Variants in MYO5A observed in about 807,000 individuals in gnomAD.
MYO5A encodes myosin VA.
Under a neutral mutation model 249.7 loss-of-function variants are expected in MYO5A, and 98 were observed. That is an observed-to-expected ratio of 0.39 (90% confidence interval 0.33 to 0.46). MYO5A has a LOEUF of 0.46. Ranked by LOEUF, MYO5A falls within the 20% of genes least tolerant of loss-of-function variation. MYO5A has a pLI of 0.98. For synonymous variants in MYO5A, 778 were observed against 810.6 expected, an observed-to-expected ratio of 0.96 and a Z score of 0.68; for missense variants, 1,696 against 2,308.8, an observed-to-expected ratio of 0.73 and a Z score of 5.44.
chr15:52,476,520 G>A (rs906268630), intron 1 of MYO5A, among the ~76,000 whole-genome samples: 71 of 152,298 alleles, frequency 4.7e-4, no homozygotes, highest in African/African-American at 1.7e-3. Context: ...TGTTTTTGCA[G>A]TGGCTGGTAC....
Position 52,391,996 on chromosome 15 carries a change from A to G in MYO5A, c.1476T>C (p.Asn492=), listed in dbSNP as rs765320441. The G allele has an allele frequency of 9.9e-6, 16 of 1,611,526 alleles. No individual in the cohort carries two copies. The African/African-American group carries it at 2.0e-4, about 20-fold the overall frequency. The change falls in exon 12 of 42, where the codon AAT becomes AAC. Residue 492 remains asparagine (N), a synonymous_variant. Coordinates refer to ENST00000399233, the MANE Select transcript of MYO5A (RefSeq NM_001382347.1). ...ATTCTATAAGATTAATACAAGGCTGATTATCATAAAAATCTATGAGTGTCC... is the reference window on the plus strand; with the variant it reads ...ATTCTATAAGATTAATACAAGGCTGGTTATCATAAAAATCTATGAGTGTCC... ...IPWTLIDFYD[N]QPCINLIESK...
chr15:52,374,553 A>G (rs1203417956), intron 20 of MYO5A, among the ~76,000 whole-genome samples: 1 of 152,244 alleles, frequency 6.6e-6, no homozygotes, highest in African/African-American at 2.4e-5. Flanking sequence ...GTGGAACCAA[A>G]TGCTATCATA....
At chr15:52,339,607 A>G (rs1298272472) in intron 32 of MYO5A, among the ~76,000 whole-genome samples, 1 of 152,184 alleles carries the variant, frequency 6.6e-6, no homozygotes, top group Non-Finnish European at 1.5e-5. Flanking sequence ...AAGGAAAAAG[A>G]CAATTTCCTC....
intron 1 of MYO5A, among the ~76,000 whole-genome samples, chr15:52,446,393 G>A (rs1456302440): frequency 7.9e-5 from 12 of 152,276 alleles, no homozygotes; most frequent in Non-Finnish European, 1.3e-4. Flanking sequence ...AATAAAAAGT[G>A]AAGAACGTTT....
intron 1 of MYO5A, among the ~76,000 whole-genome samples, chr15:52,483,744 C>T (rs1397505566): frequency 6.6e-6 from 1 of 152,202 alleles, no homozygotes; most frequent in African/African-American, 2.4e-5. Flanking sequence ...CATCCCCAGA[C>T]TAGATGAACT....
rs2043054736 is a variant in MYO5A at position 52,407,418 on chromosome 15, A to G, written c.839-19T>C. 2 of 1,590,958 alleles carry G rather than the reference A, an allele frequency of 1.3e-6. No homozygotes were observed. The highest frequency in any genetic ancestry group is 1.7e-6 in the Non-Finnish European group (2 of 1,159,212). On this transcript the variant is annotated intron_variant, in intron 7 of 41. Coordinates refer to ENST00000399233, the MANE Select transcript of MYO5A (RefSeq NM_001382347.1). ...GCATTTCCTGTAATGAAGAAAAATA[A>G]AAATTTTCTGGTTTATGAAAAAGCC...
In MYO5A at chr15:52,345,123, G is replaced by A. The variant is rs550976957; in HGVS notation, c.3959+1238C>T. Among the ~76,000 whole-genome samples, 10 of 152,222 alleles carry A rather than the reference G, an allele frequency of 6.6e-5. No homozygotes were observed. The South Asian group carries it at 1.7e-3, about 25-fold the overall frequency. ...TGGATAGCAAGATCCACAGACGTTC[G>A]AATCCCTTATATAAAATTTGCATAC... On this transcript the variant is annotated intron_variant, in intron 30 of 41. Coordinates refer to ENST00000399233, the MANE Select transcript of MYO5A (RefSeq NM_001382347.1).
At chr15:52,521,636 T>G (rs948155445) in intron 1 of MYO5A, among the ~76,000 whole-genome samples, 1 of 152,314 alleles carries the variant, frequency 6.6e-6, no homozygotes, top group Admixed American at 6.5e-5. Context: ...AACCATTATT[T>G]TGAAATCAAA....
intron 1 of MYO5A, among the ~76,000 whole-genome samples, chr15:52,521,054 C>G (rs1470228221): frequency 1.3e-5 from 2 of 152,004 alleles, no homozygotes; most frequent in Non-Finnish European, 2.9e-5. Flanking sequence ...ACTGTGAAAC[C>G]CCATCGCTAC....
rs969696190 is a variant in MYO5A, at chr15:52,408,132, C to T, written c.765G>A (p.Glu255=). The T allele has an allele frequency of 1.9e-6, 3 of 1,598,216 alleles. No individual in the cohort carries two copies. The East Asian group carries it at 6.7e-5, about 36-fold the overall frequency. ...GATAGAAGATATGATAGTTTCTCTC[C>T]TCTTCTGCCTTCGAAATAAGAAGAG... ...EKSRVVFQAE[E]ERNYHIFYQL... The change falls in exon 7 of 42, where the codon GAG becomes GAA. Residue 255 remains glutamate, a synonymous_variant. Coordinates refer to ENST00000399233, the MANE Select transcript of MYO5A (RefSeq NM_001382347.1).
At chr15:52,364,448 G>C in intron 24 of MYO5A, 106 bp downstream of exon 24, 1 of 1,037,280 alleles carries the variant, frequency 9.6e-7, no homozygotes, top group Non-Finnish European at 1.4e-6. Context: ...TTCTGGAACT[G>C]GGTGGTAGGT....
intron 18 of MYO5A, among the ~76,000 whole-genome samples, chr15:52,377,848 G>A (rs1036057547): frequency 2.0e-5 from 3 of 152,078 alleles, no homozygotes; most frequent in African/African-American, 7.2e-5. Context: ...TGGGATTAAG[G>A]GCGTGAGCCA....
At chr15:52,435,427 C>A (rs940291162) in intron 1 of MYO5A, among the ~76,000 whole-genome samples, 24 of 152,074 alleles carry the variant, frequency 1.6e-4, no homozygotes, top group African/African-American at 5.6e-4. Flanking sequence ...TAGGCACATG[C>A]CACCACACCC....
At chr15:52,527,415 G>C (rs2077748412) in intron 1 of MYO5A, among the ~76,000 whole-genome samples, 1 of 152,190 alleles carries the variant, frequency 6.6e-6, no homozygotes, top group South Asian at 2.1e-4. Context: ...ACCAGGTTGA[G>C]AGAGAAGTTC....
chr15:52,429,633 G>C (rs962179127), intron 2 of MYO5A, among the ~76,000 whole-genome samples: 2 of 152,046 alleles, frequency 1.3e-5, no homozygotes, highest in Non-Finnish European at 2.9e-5. Context: ...AGGTTGCAGT[G>C]AGCCAAGATC....
chr15:52,388,068 G>A (rs996251920), intron 13 of MYO5A, among the ~76,000 whole-genome samples, 156 bp from the exon 14 acceptor site: 1 of 152,168 alleles, frequency 6.6e-6, no homozygotes, highest in African/African-American at 2.4e-5. Flanking sequence ...GCCATTCCTG[G>A]TAAGAAGTAT....
At chr15:52,450,857 T>TTTTTTTGTTTTTTGTG (rs1567138474) in intron 1 of MYO5A, among the ~76,000 whole-genome samples, 12 of 147,408 alleles carry the variant, frequency 8.1e-5, no homozygotes, top group African/African-American at 3.0e-4. Flanking sequence ...TTTTTTTTTT[T>TTTTTTTGTTTTTTGTG]TTTTTTTTGT....
In MYO5A at chr15:52,321,431, G is replaced by C. The variant is rs777777047; in HGVS notation, c.4879C>G (p.Leu1627Val). 1.4e-5 allele frequency: 22 copies of C among 1,614,084 alleles called. No homozygotes were observed. The highest frequency in any genetic ancestry group is 1.9e-5 in the Non-Finnish European group (22 of 1,180,044). The stretch of plus-strand genomic sequence containing the variant: ...TAGATCTGAATGGCCAAGTCACTCA[G>C]CACCTGCCGATACTCAGCCAGGTCA... Reference protein sequence around the residue: ...NFDLAEYRQVLSDLAIQIYQQ... With the variant: ...NFDLAEYRQVVSDLAIQIYQQ... The change falls in exon 38 of 42, where the codon CTG (leucine) becomes GTG (valine). Residue 1627 changes from leucine to valine, a missense_variant. Transcript: ENST00000399233.
intron 1 of MYO5A, among the ~76,000 whole-genome samples, chr15:52,445,393 C>T (rs1053620048): frequency 1.3e-5 from 2 of 152,044 alleles, no homozygotes; most frequent in African/African-American, 2.4e-5. Context: ...CCTGCAGAAC[C>T]GTAAGCCAAT....
Sources: allele counts gnomAD v4.1 joint callset (sites outside exome capture counted in the v4.1 genomes callset), GRCh38; gene constraint gnomAD v4.1.1; transcripts MANE v1.5; gene names NCBI Gene and HGNC (gene_info 2026-07-23, HGNC 2026-07-21).